Variants in NDUFAF6 observed in about 807,000 individuals in gnomAD.
The protein encoded by NDUFAF6 is NADH dehydrogenase (ubiquinone) complex I, assembly factor 6.
A neutral mutation model predicts 40.8 loss-of-function variants in NDUFAF6; 45 were observed. That is an observed-to-expected ratio of 1.10 (90% confidence interval 0.87 to 1.42). The LOEUF is 1.42. Ranked by LOEUF, NDUFAF6 falls within the 40% of genes most tolerant of loss-of-function variation. NDUFAF6 has a pLI of 0.00. For synonymous variants in NDUFAF6, 185 were observed against 155.9 expected (o/e 1.19, Z -1.39); for missense variants, 435 against 418.5 (o/e 1.04, Z -0.34).
intron 1 of NDUFAF6, among the ~76,000 whole-genome samples, chr8:94,933,985 G>A (rs1820714531): frequency 6.6e-6 from 1 of 151,854 alleles, no homozygotes; most frequent in South Asian, 2.1e-4. Flanking sequence ...GCTGAGGCAG[G>A]AGAATTGCTT....
At chr8:94,930,685 C>A (rs1405013947) in intron 1 of NDUFAF6, 1 of 1,614,070 alleles carries the variant, frequency 6.2e-7, no homozygotes, top group East Asian at 2.2e-5. Flanking sequence ...AGAGCTGCAA[C>A]ATAACAATGA....
At chr8:94,929,979 C>T (rs936317196) in intron 1 of NDUFAF6, 1 of 153,426 alleles carries the variant, frequency 6.5e-6, no homozygotes, top group African/African-American at 2.4e-5. Context: ...CCATTATATC[C>T]ATGGCAACTA....
chr8:94,955,943 A>G (rs1354478391), upstream of NDUFAF6, among the ~76,000 whole-genome samples: 3 of 152,228 alleles, frequency 2.0e-5, no homozygotes, highest in African/African-American at 7.2e-5. Context: ...ATAGAAACCA[A>G]TCAGTCCTGT....
chr8:95,000,043 AT>A (rs35353243), intron 2 of NDUFAF6, among the ~76,000 whole-genome samples: 66,610 of 148,776 alleles, frequency 0.45, 14,972 homozygotes, highest in East Asian at 0.68. Context: ...GACAGGCTGT[AT>A]TTTTTTTTTT....
rs1332553533 is a variant in NDUFAF6, at chr8:95,025,013, C to T, written c.5C>T (p.Ala2Val). 4.5e-6 allele frequency: 6 copies of T among 1,343,406 alleles called. No homozygotes were observed. Among genetic ancestry groups the T allele is most frequent in the African/African-American group, 3.1e-5 (2 of 65,502 alleles). The allele number at this position is 1,343,406 out of a possible 1,614,324, so 83.2% of individuals were successfully genotyped here. A position where few individuals can be genotyped will look rare whatever the true frequency, so the allele number is the denominator to read the frequency against. Residue 2 changes from alanine to valine, a missense_variant, in exon 1 of 9, where the codon GCG becomes GTG. Transcript: ENST00000396124. M[A>V]ASAHGSVWGP... The stretch of plus-strand genomic sequence containing the variant: ...AGGGCACGCAGTGCCGGCGTCATGG[C>T]GGCCTCCGCGCACGGCTCTGTCTGG...
intron 6 of NDUFAF6, among the ~76,000 whole-genome samples, 178 bp downstream of exon 6, chr8:95,047,305 A>G (rs1830885490): frequency 6.6e-6 from 1 of 152,158 alleles, no homozygotes; most frequent in Admixed American, 6.6e-5. Flanking sequence ...TGTGTCCATC[A>G]GGCATTTTAG....
intron 1 of NDUFAF6, among the ~76,000 whole-genome samples, chr8:94,962,905 C>T (rs1275498217): frequency 1.3e-5 from 2 of 151,948 alleles, no homozygotes; most frequent in Non-Finnish European, 2.9e-5. Flanking sequence ...ATTCTCCTGC[C>T]TCAGCCTCCT....
rs1830632332 is a variant in NDUFAF6 at position 95,045,465 on chromosome 8, C to A, written c.478-80C>A. 3 of 947,624 alleles carry A rather than the reference C, an allele frequency of 3.2e-6. No individual in the cohort carries two copies. In the South Asian group the frequency reaches 4.0e-5, roughly 13 times the overall value. 58.7% of individuals were successfully genotyped at this position (947,624 alleles called of 1,614,324 possible). A position where few individuals can be genotyped will look rare whatever the true frequency, so the allele number is the denominator to read the frequency against. ...GAATATTTTTATTCGTTATTCAGTT[C>A]TTTGGGGCAAAAAACAGCACCTTTT... On this transcript the variant is annotated intron_variant, in intron 4 of 8. Coordinates refer to ENST00000396124, the MANE Select transcript of NDUFAF6 (RefSeq NM_152416.4).
intron 1 of NDUFAF6, among the ~76,000 whole-genome samples, chr8:94,904,297 T>C (rs2945563): frequency 0.7 from 97,473 of 139,896 alleles, 34,260 homozygotes; most frequent in East Asian, 0.8. Flanking sequence ...GCACCCACCA[T>C]CACACCTGGC....
chr8:95,011,957 T>G lies in NDUFAF6; in HGVS notation c.-83-20038T>G, dbSNP rs149530469. ...GGAGCCTTATGGATATGCATCATTATGAAGACTGTCTTTTCCATAGGATAG... is the reference window on the plus strand; with the variant it reads ...GGAGCCTTATGGATATGCATCATTAGGAAGACTGTCTTTTCCATAGGATAG... On this transcript the variant is annotated intron_variant, in intron 2 of 9. Transcript: ENST00000396111. Among the ~76,000 whole-genome samples, 827 of 152,338 alleles carry G rather than the reference T, an allele frequency of 5.4e-3. 10 individuals carry two copies. Among genetic ancestry groups the G allele is most frequent in the African/African-American group, 0.018 (765 of 41,572 alleles).
intron 1 of NDUFAF6, among the ~76,000 whole-genome samples, chr8:94,960,630 T>A (rs1218523925): frequency 6.6e-6 from 1 of 152,252 alleles, no homozygotes; most frequent in Non-Finnish European, 1.5e-5. Context: ...TTTCACATCT[T>A]CTTACCAACC....
chr8:95,095,293 G>C (rs944705909), intron 2 of NDUFAF6, among the ~76,000 whole-genome samples: 22 of 152,152 alleles, frequency 1.4e-4, no homozygotes, highest in African/African-American at 5.3e-4. Flanking sequence ...ACCCAGAGAT[G>C]GGGGTGAAGC....
rs1002670624 is a variant in NDUFAF6 at position 95,058,142 on chromosome 8, C to G, written c.*205C>G. ...CTGGCAGAGGCACTGCCATTGGCAC[C>G]CCTGGCCCAGACAGTGTCTGCTGTG... On this transcript the variant is annotated 3_prime_UTR_variant, in exon 9 of 9. Coordinates refer to ENST00000396124, the MANE Select transcript of NDUFAF6 (RefSeq NM_152416.4). 1.4e-6 allele frequency: 2 copies of G among 1,443,722 alleles called. No homozygotes were observed. The highest frequency in any genetic ancestry group is 2.9e-5 in the African/African-American group (2 of 69,838). 89.4% of individuals were successfully genotyped at this position (1,443,722 alleles called of 1,614,324 possible).
At chr8:94,946,826 G>A (rs927180053) in intron 2 of NDUFAF6, among the ~76,000 whole-genome samples, 8 of 151,838 alleles carry the variant, frequency 5.3e-5, no homozygotes, top group African/African-American at 1.9e-4. Flanking sequence ...CTTAACATGG[G>A]AATGATAGTT....
At chr8:95,034,152 C>A in intron 2 of NDUFAF6, 2 of 446,396 alleles carry the variant, frequency 4.5e-6, no homozygotes, top group Non-Finnish European at 9.1e-6. Flanking sequence ...TACTCATGAC[C>A]CTGTTGTTAA....
chr8:94,909,348 C>CAAGAA (rs1818591051), intron 1 of NDUFAF6, among the ~76,000 whole-genome samples: 1 of 91,924 alleles, frequency 1.1e-5, no homozygotes, highest in African/African-American at 5.1e-5. Flanking sequence ...GACTCCGTCT[C>CAAGAA]AAAAAAAAAA....
chr8:95,092,971 G>T (rs1809313454), intron 2 of NDUFAF6, among the ~76,000 whole-genome samples: 1 of 152,180 alleles, frequency 6.6e-6, no homozygotes, highest in South Asian at 2.1e-4. Flanking sequence ...TTTCTCTACT[G>T]ATCGGCAATT....
intron 2 of NDUFAF6, among the ~76,000 whole-genome samples, chr8:95,015,630 C>T (rs1827409873): frequency 6.6e-6 from 1 of 152,154 alleles, no homozygotes; most frequent in Non-Finnish European, 1.5e-5. Context: ...TATTTGATAA[C>T]TATTCATATT....
downstream of NDUFAF6, among the ~76,000 whole-genome samples, chr8:95,060,690 G>A (rs183737241): frequency 2.6e-5 from 4 of 152,318 alleles, no homozygotes; most frequent in East Asian, 7.7e-4. Flanking sequence ...AGAGCTGGAT[G>A]CCAGATCCAC....
Sources: gnomAD v4.1 joint callset for allele counts (sites outside exome capture counted in the v4.1 genomes callset) on GRCh38, gnomAD v4.1.1 for gene constraint, MANE v1.5 for transcripts, NCBI Gene and HGNC (gene_info 2026-07-23, HGNC 2026-07-21) for gene names.